The following ADAMTSL1 variants were observed in gnomAD, a reference collection of about 807,000 sequenced individuals.
ADAMTSL1 encodes the protein ADAMTS-like protein 1.
Under a neutral mutation model 201.8 loss-of-function variants are expected in ADAMTSL1, and 126 were observed. The ratio of observed to expected loss-of-function variants is 0.62; its 90% CI spans 0.54 to 0.72. ADAMTSL1 has a LOEUF of 0.72. ADAMTSL1 is among the 30% of genes least tolerant of loss of function. The probability of loss-of-function intolerance (pLI) is 0.00; values close to 1 mark genes in which losing one functional copy is unlikely to be tolerated. For synonymous variants in ADAMTSL1, 1,121 were observed against 903.4 expected (o/e 1.24, Z -4.32); for missense variants, 2,679 against 2,277.8 (o/e 1.18, Z -3.59).
At chr9:18,488,734 G>A (rs1009675133) in intron 1 of ADAMTSL1, among the ~76,000 whole-genome samples, 5 of 152,082 alleles carry the variant, frequency 3.3e-5, no homozygotes, top group African/African-American at 1.2e-4. Flanking sequence ...TCCCTGCAAG[G>A]CTGAAATTTC....
At chr9:18,561,953 G>C (rs558334554) in intron 3 of ADAMTSL1, among the ~76,000 whole-genome samples, 2 of 152,254 alleles carry the variant, frequency 1.3e-5, no homozygotes, top group African/African-American at 4.8e-5. Flanking sequence ...ACAGCACACT[G>C]ATGGGTCTTG....
intron 2 of ADAMTSL1, among the ~76,000 whole-genome samples, chr9:18,508,620 G>A (rs1817824206): frequency 6.6e-6 from 1 of 152,250 alleles, no homozygotes; most frequent in African/African-American, 2.4e-5. Flanking sequence ...GTTTCAAAAA[G>A]CTAGCTTTCA....
intron 2 of ADAMTSL1, among the ~76,000 whole-genome samples, chr9:18,401,976 A>C (rs1479711857): frequency 6.6e-6 from 1 of 152,196 alleles, no homozygotes; most frequent in Non-Finnish European, 1.5e-5. Flanking sequence ...CATATCGCAG[A>C]GTCAATTATA....
intron 1 of ADAMTSL1, among the ~76,000 whole-genome samples, chr9:18,084,737 T>A (rs911600763): frequency 1.4e-5 from 2 of 143,258 alleles, no homozygotes; most frequent in African/African-American, 5.1e-5. Flanking sequence ...CTTTCATCTG[T>A]CCAAGTGCTA....
intron 2 of ADAMTSL1, among the ~76,000 whole-genome samples, chr9:18,451,712 C>T (rs1820412917): frequency 6.6e-6 from 1 of 152,218 alleles, no homozygotes; most frequent in Non-Finnish European, 1.5e-5. Context: ...AGGATGGAGA[C>T]TGTCTTAGTC....
At chr9:18,097,002 T>C (rs2097057112) in intron 1 of ADAMTSL1, among the ~76,000 whole-genome samples, 1 of 152,246 alleles carries the variant, frequency 6.6e-6, no homozygotes, top group African/African-American at 2.4e-5. Flanking sequence ...ATTTCTTAAA[T>C]GTATTCATCT....
chr9:18,859,251 T>G (rs561679580), intron 23 of ADAMTSL1, among the ~76,000 whole-genome samples: 1 of 152,316 alleles, frequency 6.6e-6, no homozygotes, highest in African/African-American at 2.4e-5. Context: ...GGAAATATAT[T>G]CGTCTTTTCC....
intron 2 of ADAMTSL1, among the ~76,000 whole-genome samples, chr9:18,293,595 T>C (rs1390978761): frequency 6.6e-6 from 1 of 152,206 alleles, no homozygotes; most frequent in Non-Finnish European, 1.5e-5. Flanking sequence ...CTTCACACTT[T>C]TTCTCAGGCC....
chr9:18,904,035 T>G (rs1183079809), intron 26 of ADAMTSL1, among the ~76,000 whole-genome samples: 1 of 152,046 alleles, frequency 6.6e-6, no homozygotes, highest in Non-Finnish European at 1.5e-5. Flanking sequence ...ACAGGCATGA[T>G]CATGGTGCAC....
intron 15 of ADAMTSL1, among the ~76,000 whole-genome samples, chr9:18,730,406 C>T (rs1157991807): frequency 2.0e-5 from 3 of 152,238 alleles, no homozygotes; most frequent in Non-Finnish European, 4.4e-5. Flanking sequence ...AGTTCAGGAA[C>T]AGTTCATACT....
At chr9:18,267,420 A>C (rs1244988116) in intron 2 of ADAMTSL1, among the ~76,000 whole-genome samples, 2 of 152,162 alleles carry the variant, frequency 1.3e-5, no homozygotes, top group Non-Finnish European at 2.9e-5. Context: ...AATTCAGATT[A>C]GTTCATACAC....
At chr9:18,793,419 T>C (rs920013974) in intron 19 of ADAMTSL1, among the ~76,000 whole-genome samples, 2 of 152,134 alleles carry the variant, frequency 1.3e-5, no homozygotes, top group East Asian at 3.9e-4. Flanking sequence ...GCAAGGGAAA[T>C]AGTGAGGAAA....
chr9:18,701,247 C>T (rs1314146005), intron 13 of ADAMTSL1, among the ~76,000 whole-genome samples: 2 of 128,920 alleles, frequency 1.6e-5, no homozygotes, highest in Admixed American at 8.8e-5. Flanking sequence ...GACAGAGTCT[C>T]ACTCTGTCAC....
intron 5 of ADAMTSL1, among the ~76,000 whole-genome samples, chr9:18,625,339 A>AAAACCATG (rs1826297357): frequency 6.6e-6 from 1 of 152,120 alleles, no homozygotes; most frequent in Non-Finnish European, 1.5e-5. Flanking sequence ...AAAGTGGAGA[A>AAAACCATG]AAACCATGGT....
At chr9:18,324,857 G>C (rs899251879) in intron 2 of ADAMTSL1, among the ~76,000 whole-genome samples, 4 of 151,894 alleles carry the variant, frequency 2.6e-5, no homozygotes, top group African/African-American at 9.6e-5. Flanking sequence ...ACATACTAAG[G>C]GGAAATATGT....
chr9:18,324,883 T>C (rs1834767956), intron 2 of ADAMTSL1, among the ~76,000 whole-genome samples: 1 of 152,160 alleles, frequency 6.6e-6, no homozygotes, highest in African/African-American at 2.4e-5. Context: ...ACATATCTGA[T>C]GAAAGACTTC....
intron 1 of ADAMTSL1, among the ~76,000 whole-genome samples, chr9:18,068,310 A>T (rs1444002176): frequency 1.3e-5 from 2 of 152,200 alleles, no homozygotes; most frequent in Non-Finnish European, 2.9e-5. Context: ...ACAACTAAAA[A>T]TAACAATACA....
chr9:18,766,447 T>C (rs1032457420), intron 16 of ADAMTSL1, among the ~76,000 whole-genome samples: 1 of 152,220 alleles, frequency 6.6e-6, no homozygotes, highest in Non-Finnish European at 1.5e-5. Context: ...ATATGGGGTT[T>C]CCAACAGGAG....
chr9:18,813,054 GC>G (rs1823608300), intron 20 of ADAMTSL1, among the ~76,000 whole-genome samples: 1 of 146,684 alleles, frequency 6.8e-6, no homozygotes, highest in Admixed American at 7.0e-5. Flanking sequence ...TGCAAACTCT[GC>G]CTCTTTGGTT....
Sources: gnomAD v4.1 joint callset for allele counts (sites outside exome capture counted in the v4.1 genomes callset) on GRCh38, gnomAD v4.1.1 for gene constraint, MANE v1.5 for transcripts, NCBI Gene and HGNC (gene_info 2026-07-23, HGNC 2026-07-21) for gene names.